ARHGAP26: variants seen among roughly 807,000 people sequenced by gnomAD.
ARHGAP26 encodes the protein Rho GTPase activating protein 26, also known as rho GTPase-activating protein 26.
Under a neutral mutation model 104.8 loss-of-function variants are expected in ARHGAP26, and 38 were observed. The ratio of observed to expected loss-of-function variants is 0.36; its 90% CI spans 0.28 to 0.48. The LOEUF (loss-of-function observed/expected upper bound fraction) is 0.48, where lower values mean the gene tolerates loss of function less well. ARHGAP26 is among the 20% of genes least tolerant of loss of function. The pLI, the probability that ARHGAP26 is intolerant of heterozygous loss-of-function variation, is 0.99. For synonymous variants in ARHGAP26, 341 were observed against 340.0 expected (o/e 1.00, Z -0.03); for missense variants, 704 against 947.9 (o/e 0.74, Z 3.38).
At chr5:143,075,024 G>C (rs1298684668) in intron 17 of ARHGAP26, among the ~76,000 whole-genome samples, 4 of 152,208 alleles carry the variant, frequency 2.6e-5, no homozygotes, top group African/African-American at 9.6e-5. Flanking sequence ...TGACTGCCTG[G>C]GAGGTGGGAA....
At chr5:143,024,963 G>A (rs1780839540) in intron 12 of ARHGAP26, among the ~76,000 whole-genome samples, 1 of 152,176 alleles carries the variant, frequency 6.6e-6, no homozygotes, top group African/African-American at 2.4e-5. Flanking sequence ...GTCTGAAGGT[G>A]GGAATAGTTT....
At chr5:143,172,552 C>G (rs1802927356) in intron 20 of ARHGAP26, among the ~76,000 whole-genome samples, 1 of 152,194 alleles carries the variant, frequency 6.6e-6, no homozygotes, top group Non-Finnish European at 1.5e-5. Flanking sequence ...TTTTGAATAG[C>G]TCAATAGATA....
At position 142,879,375 on chromosome 5, in the gene ARHGAP26, T is replaced by C. The variant is rs902651243; in HGVS notation, c.314T>C (p.Ile105Thr). ...CCTTACTCTGTTGTTCTTCACCAGA[T>C]TGAGAATGCCAGCGAGGTGCTCATC... is the stretch of plus-strand genomic sequence containing the variant. ...RNLEDERIRM[I>T]ENASEVLITP... Residue 105 changes from isoleucine to threonine, a missense_variant and splice_region_variant, in exon 4 of 23, where the codon ATT (isoleucine) becomes ACT (threonine). Ile to Thr is a moderately conservative substitution (Grantham distance 89). This residue lies in a region of ARHGAP26 where 106 missense variants were observed against 120.5 expected (regional missense o/e 0.88). Transcript: ENST00000645722. The C allele has an allele frequency of 5.6e-6, 9 of 1,614,036 alleles. No homozygotes were observed. Among genetic ancestry groups the C allele is most frequent in the Non-Finnish European group, 7.6e-6 (9 of 1,179,908 alleles).
chr5:143,065,367 T>TAA (rs757191502), intron 17 of ARHGAP26, among the ~76,000 whole-genome samples: 4 of 152,174 alleles, frequency 2.6e-5, no homozygotes, highest in Admixed American at 2.6e-4. Context: ...CTGCGATACT[T>TAA]ATGTTCTTAC....
At chr5:142,993,089 C>G (rs1294886989) in intron 11 of ARHGAP26, among the ~76,000 whole-genome samples, 1 of 151,704 alleles carries the variant, frequency 6.6e-6, no homozygotes, top group Non-Finnish European at 1.5e-5. Context: ...TCAAGCAATT[C>G]TCCTGCCTCA....
rs551518189 is a variant in ARHGAP26, at chr5:143,198,377, G to A, written c.1989-8821G>A. ...ATATTGTGAAATTTTTTAGTTGAGA[G>A]AAATTTTTATTCTAGGCAGTTCTGT... On this transcript the variant is annotated intron_variant, in intron 20 of 22. Transcript: ENST00000645722. Among the ~76,000 whole-genome samples, 6 of 152,290 alleles carry A rather than the reference G, an allele frequency of 3.9e-5. No individual in the cohort carries two copies. The South Asian group carries it at 1.2e-3, about 32-fold the overall frequency.
chr5:143,051,210 T>C (rs1784969396), intron 14 of ARHGAP26, among the ~76,000 whole-genome samples: 1 of 152,210 alleles, frequency 6.6e-6, no homozygotes, highest in Non-Finnish European at 1.5e-5. Context: ...AAAATATCCT[T>C]CATTTTGTCT....
chr5:142,799,000 C>A (rs2151949916), intron 1 of ARHGAP26, among the ~76,000 whole-genome samples: 1 of 152,264 alleles, frequency 6.6e-6, no homozygotes, highest in South Asian at 2.1e-4. Flanking sequence ...ATGGAAACAG[C>A]CCTGTTTAGG....
At chr5:143,062,071 G>A (rs953834357) in intron 17 of ARHGAP26, among the ~76,000 whole-genome samples, 3 of 152,160 alleles carry the variant, frequency 2.0e-5, no homozygotes, top group African/African-American at 4.8e-5. Flanking sequence ...ACAGCCCACG[G>A]TGTCTACAGC....
At chr5:142,956,075 A>G (rs536301023) in intron 11 of ARHGAP26, among the ~76,000 whole-genome samples, 24 of 152,348 alleles carry the variant, frequency 1.6e-4, no homozygotes, top group African/African-American at 5.3e-4. Context: ...AGGCATTGGT[A>G]TTAAGCATAA....
intron 5 of ARHGAP26, among the ~76,000 whole-genome samples, chr5:142,893,730 C>T (rs1339984790): frequency 6.6e-6 from 1 of 152,214 alleles, no homozygotes; most frequent in African/African-American, 2.4e-5. Context: ...TCCCTTTTCT[C>T]CCCATCCTTA....
intron 17 of ARHGAP26, among the ~76,000 whole-genome samples, chr5:143,092,158 G>GTTTT (rs896970979): frequency 6.8e-5 from 8 of 117,478 alleles, no homozygotes; most frequent in Non-Finnish European, 7.0e-5. Flanking sequence ...ACATCCCTTT[G>GTTTT]TTTTTTTTTT....
chr5:143,151,719 G>A (rs1313126569), intron 20 of ARHGAP26, among the ~76,000 whole-genome samples: 1 of 152,182 alleles, frequency 6.6e-6, no homozygotes, highest in Non-Finnish European at 1.5e-5. Flanking sequence ...ACTTTGGGAG[G>A]CCAAGGCAGG....
intron 17 of ARHGAP26, among the ~76,000 whole-genome samples, chr5:143,078,446 T>C (rs1789349351): frequency 1.3e-5 from 2 of 152,216 alleles, no homozygotes; most frequent in African/African-American, 4.8e-5. Context: ...GTCCGTTTTA[T>C]TCCCTCGGCT....
chr5:142,960,204 C>A (rs1769984821), intron 11 of ARHGAP26, among the ~76,000 whole-genome samples: 1 of 152,246 alleles, frequency 6.6e-6, no homozygotes, highest in Admixed American at 6.5e-5. Flanking sequence ...GGTTTACATA[C>A]TTCTGTCCTT....
At position 142,777,425 on chromosome 5, in the gene ARHGAP26, G is replaced by A. The variant is rs149079060; in HGVS notation, c.154+6510G>A. Among the ~76,000 whole-genome samples, 126 of 152,346 alleles carry A rather than the reference G, an allele frequency of 8.3e-4. 1 individual carries two copies. The East Asian group carries it at 0.02, about 24-fold the overall frequency. On this transcript the variant is annotated intron_variant, in intron 1 of 22. Coordinates refer to ENST00000645722, the MANE Select transcript of ARHGAP26 (RefSeq NM_001135608.3). ...AAGGAAGAACTGTTATCACCATTGA[G>A]CTACTGGGGAAAGCAAGTTGTAAAG... is the stretch of plus-strand genomic sequence containing the variant.
intron 11 of ARHGAP26, among the ~76,000 whole-genome samples, chr5:142,951,014 TTTCCCTTTCTCTTTCCCTTTCC>T (rs1768281962): frequency 6.8e-6 from 1 of 146,440 alleles, no homozygotes; most frequent in Non-Finnish European, 1.5e-5. Context: ...TCCCTTTCCC[TTTCCCTTTCTCTTTCCCTTTCC>T]CTTTCCCTTC....
chr5:143,148,529 G>C (rs1230026108), intron 20 of ARHGAP26, among the ~76,000 whole-genome samples: 2 of 152,186 alleles, frequency 1.3e-5, no homozygotes, highest in Non-Finnish European at 2.9e-5. Flanking sequence ...CTTTTTAGTT[G>C]TTGGCAGCTT....
intron 4 of ARHGAP26, among the ~76,000 whole-genome samples, chr5:142,881,010 CA>C (rs1327550880): frequency 2.6e-5 from 4 of 152,370 alleles, no homozygotes; most frequent in African/African-American, 9.6e-5. Flanking sequence ...GTATAATTTA[CA>C]CAAAGTCTTA....
Sources: gnomAD v4.1 joint callset for allele counts (sites outside exome capture counted in the v4.1 genomes callset) on GRCh38, gnomAD v4.1.1 for gene constraint, gnomAD v4.1.1 regional missense constraint, MANE v1.5 for transcripts, NCBI Gene and HGNC (gene_info 2026-07-23, HGNC 2026-07-21) for gene names.